The following CDK13 variants were observed in gnomAD, a reference collection of about 807,000 sequenced individuals.
CDK13 encodes the protein cyclin-dependent kinase 13.
A neutral mutation model predicts 137.6 loss-of-function variants in CDK13; 40 were observed. That is an observed-to-expected ratio of 0.29 (90% CI 0.23 to 0.38). The LOEUF is 0.38. Among genes scored for constraint, CDK13 ranks in the 10% least tolerant of loss-of-function variants. CDK13 has a pLI of 1.00. For missense variants in CDK13, 1,704 were observed against 1,951.8 expected, an observed-to-expected ratio of 0.87 and a Z score of 2.39; for synonymous variants, 869 against 760.1, an observed-to-expected ratio of 1.14 and a Z score of -2.36.
rs1446640277 is a variant in CDK13 at position 39,951,810 on chromosome 7, G to A, written c.1169G>A (p.Ser390Asn). The change falls in exon 1 of 14, where the codon AGC becomes AAC. Residue 390 changes from serine to asparagine, a missense_variant. By Grantham distance (46) the Ser-to-Asn change is conservative (BLOSUM62 1). Around this residue, in one of 5 missense-constraint regions of CDK13, gnomAD observed 1,051 missense variants for 931.0 expected, o/e 1.13. Transcript: ENST00000181839. ...GDVSPSPYSS[S>N]SWRRSRSPYS... is the part of the protein sequence containing the mutation. ...GTGTCCCCTAGTCCCTACAGCAGCAGCAGCTGGCGCCGCTCTCGCAGTCCC... is the reference window on the plus strand; with the variant it reads ...GTGTCCCCTAGTCCCTACAGCAGCAACAGCTGGCGCCGCTCTCGCAGTCCC... 2.1e-6 allele frequency: 3 copies of A among 1,453,878 alleles called. No homozygotes were observed. Among genetic ancestry groups the A allele is most frequent in the Non-Finnish European group, 2.7e-6 (3 of 1,112,550 alleles). 90.1% of individuals were successfully genotyped at this position (1,453,878 alleles called of 1,614,324 possible). A position where few individuals can be genotyped will look rare whatever the true frequency, so the allele number is the denominator to read the frequency against.
intron 7 of CDK13, chr7:40,048,563 A>ATG (rs1334852142): frequency 6.6e-6 from 1 of 152,168 alleles, no homozygotes; most frequent in Non-Finnish European, 1.5e-5. Context: ...TTATTTCCAT[A>ATG]TGTGTATATA....
At chr7:40,018,449 C>T (rs1442597793) in intron 5 of CDK13, among the ~76,000 whole-genome samples, 1 of 152,088 alleles carries the variant, frequency 6.6e-6, no homozygotes, top group East Asian at 1.9e-4. Context: ...CAGAAAGACA[C>T]GTGCATGTGT....
intron 1 of CDK13, among the ~76,000 whole-genome samples, chr7:39,979,213 TTTC>T (rs911238919): frequency 1.2e-4 from 15 of 123,948 alleles, no homozygotes; most frequent in African/African-American, 5.9e-4. Context: ...CTTTCTTTTT[TTTC>T]TTTTTTTTTT....
intron 5 of CDK13, among the ~76,000 whole-genome samples, chr7:40,028,632 G>A (rs1311040367): frequency 6.6e-6 from 1 of 152,096 alleles, no homozygotes; most frequent in Non-Finnish European, 1.5e-5. Flanking sequence ...TCCCCTGATG[G>A]TGGTCTCACT....
chr7:39,951,830 A>T lies in CDK13; in HGVS notation c.1189A>T (p.Ser397Cys). Residue 397 changes from serine (S) to cysteine (C), a missense_variant, in exon 1 of 14, where the codon AGT becomes TGT. Ser to Cys is a moderately radical substitution (Grantham distance 112, BLOSUM62 -1). Transcript: ENST00000181839. ...CAGCAGCAGCTGGCGCCGCTCTCGC[A>T]GTCCCTACAGCCCTGTGCTCAGGTG... ...YSSSSWRRSR[S>C]PYSPVLRRSG... is the part of the protein sequence containing the mutation. The T allele has an allele frequency of 1.4e-6, 2 of 1,456,410 alleles. No individual in the cohort carries two copies. The highest frequency in any genetic ancestry group is 1.8e-6 in the Non-Finnish European group (2 of 1,113,996). 90.2% of individuals were successfully genotyped at this position (1,456,410 alleles called of 1,614,324 possible). A position where few individuals can be genotyped will look rare whatever the true frequency, so the allele number is the denominator to read the frequency against.
At position 40,017,658 on chromosome 7, in the gene CDK13, T is replaced by C. The variant is rs555758142; in HGVS notation, c.2353+15627T>C. On this transcript the variant is annotated intron_variant, in intron 5 of 13. Coordinates refer to ENST00000181839, the MANE Select transcript of CDK13 (RefSeq NM_003718.5). The stretch of plus-strand genomic sequence containing the variant: ...ATGTGTTTCATATGTCAGATAATTT[T>C]CCCATTTATATTGCTTGCCCTTTGT... 2.0e-5 allele frequency among the ~76,000 whole-genome samples: 3 copies of C among 152,190 alleles called. No individual in the cohort carries two copies. The South Asian group carries it at 6.2e-4, about 32-fold the overall frequency.
In CDK13 at chr7:40,063,240, A is replaced by G. The variant is rs60440454; in HGVS notation, c.2780+140A>G. On this transcript the variant is annotated intron_variant, in intron 9 of 13. Transcript: ENST00000181839. ...GCTTATGACTGCTAAATGGAGGACA[A>G]ACTGAAATGTAGGCACTTTGATACT... 144 of 651,618 alleles carry G rather than the reference A, an allele frequency of 2.2e-4. 1 individual carries two copies. The African/African-American group carries it at 2.5e-3, about 11-fold the overall frequency. 40.4% of individuals were successfully genotyped at this position (651,618 alleles called of 1,614,324 possible).
chr7:40,069,364 A>C (rs1786360272), intron 9 of CDK13: 1 of 454,606 alleles, frequency 2.2e-6, no homozygotes, highest in African/African-American at 2.0e-5. Context: ...GAGGCAACGG[A>C]GTATACCGAA....
rs1787222531 is a variant in CDK13, at chr7:39,951,729, G to T, written c.1088G>T (p.Ser363Ile). ...RRLPRSPSPYSRRRSPSYSRH... is the reference protein window; with the variant it reads ...RRLPRSPSPYIRRRSPSYSRH... ...CTGCCGCGCTCCCCGAGCCCCTACA[G>T]TCGCCGCCGCTCCCCCAGCTACAGC... Residue 363 changes from serine to isoleucine, a missense_variant, in exon 1 of 14, where the codon AGT becomes ATT. Physicochemically the swap from Ser to Ile is moderately radical, Grantham distance 142 (BLOSUM62 -2). Around this residue, in one of 5 missense-constraint regions of CDK13, gnomAD observed 1,051 missense variants for 931.0 expected, o/e 1.13. Coordinates refer to ENST00000181839, the MANE Select transcript of CDK13 (RefSeq NM_003718.5). 5 of 1,485,260 alleles carry T rather than the reference G, an allele frequency of 3.4e-6. No homozygotes were observed. Among genetic ancestry groups the T allele is most frequent in the Non-Finnish European group, 4.4e-6 (5 of 1,128,772 alleles). The allele number at this position is 1,485,260 out of a possible 1,614,324, so 92.0% of individuals were successfully genotyped here. A position where few individuals can be genotyped will look rare whatever the true frequency, so the allele number is the denominator to read the frequency against.
chr7:40,002,759 T>C (rs1254261723), intron 5 of CDK13, among the ~76,000 whole-genome samples: 1 of 151,976 alleles, frequency 6.6e-6, no homozygotes, highest in East Asian at 1.9e-4. Flanking sequence ...CAGCAAAACT[T>C]TTTCTCAAAC....
chr7:40,082,882 C>T (rs374687477), intron 11 of CDK13, among the ~76,000 whole-genome samples: 10 of 151,152 alleles, frequency 6.6e-5, no homozygotes, highest in African/African-American at 2.4e-4. Context: ...AGGTGGATCC[C>T]TTGAGCCCAT....
chr7:40,028,519 G>C (rs1352320016), intron 5 of CDK13, among the ~76,000 whole-genome samples: 1 of 151,914 alleles, frequency 6.6e-6, no homozygotes, highest in Non-Finnish European at 1.5e-5. Flanking sequence ...CGCCCAGCCT[G>C]AGTTGACTTT....
chr7:40,093,236 G>A lies in CDK13; in HGVS notation c.3687G>A (p.Ser1229=), dbSNP rs764932758. The change falls in exon 13 of 14, where the codon TCG becomes TCA. Residue 1229 remains serine, a splice_region_variant and synonymous_variant. Transcript: ENST00000181839. The stretch of plus-strand genomic sequence containing the variant: ...CTCCAGAACCTAGCACTCCGGTGTC[G>A]GGTAAGTGTGCAGATACCAGACCAC... The part of the protein sequence containing the change: ...RPPPEPSTPV[S]GQDDLIQHQD... 10 of 1,607,036 alleles carry A rather than the reference G, an allele frequency of 6.2e-6. No individual in the cohort carries two copies. The highest frequency in any genetic ancestry group is 2.2e-5 in the East Asian group (1 of 44,846).
chr7:40,067,114 A>G (rs1279026715), intron 9 of CDK13: 2 of 152,178 alleles, frequency 1.3e-5, no homozygotes, highest in African/African-American at 4.8e-5. Flanking sequence ...TAACAACCCT[A>G]TGTCTTCTCT....
intron 1 of CDK13, among the ~76,000 whole-genome samples, chr7:39,976,478 C>G (rs1419398857): frequency 1.3e-5 from 2 of 151,982 alleles, no homozygotes; most frequent in African/African-American, 2.4e-5. Context: ...TCTGCTTTCT[C>G]TATACCTTGG....
chr7:40,088,245 G>T lies in CDK13; in HGVS notation c.3149G>T (p.Gly1050Val), dbSNP rs1204806739. Residue 1050 changes from glycine to valine, a missense_variant, in exon 12 of 14, where the codon GGC becomes GTC. Transcript: ENST00000181839. ...GCCCCCAGGAAGGACTTGTCTCTGG[G>T]CTTGGATGACAGCAGAACCAACACA... ...IKAPRKDLSL[G>V]LDDSRTNTPQ... 6.2e-7 allele frequency: 1 copy of T among 1,613,872 alleles called. No individual in the cohort carries two copies. The highest frequency in any genetic ancestry group is 8.5e-7 in the Non-Finnish European group (1 of 1,179,912).
intron 5 of CDK13, among the ~76,000 whole-genome samples, chr7:40,039,478 C>T (rs1410417116): frequency 7.6e-6 from 1 of 131,588 alleles, no homozygotes; most frequent in Admixed American, 8.5e-5. Flanking sequence ...GTCGCCCAGG[C>T]GGGAATGCAG....
At chr7:40,081,120 C>G (rs1417865955) in intron 11 of CDK13, among the ~76,000 whole-genome samples, 1 of 152,014 alleles carries the variant, frequency 6.6e-6, no homozygotes, top group Admixed American at 6.6e-5. Context: ...TTTTAAGATT[C>G]CAAGCTAGCT....
chr7:39,998,276 C>A, intron 3 of CDK13: 1 of 146,682 alleles, frequency 6.8e-6, no homozygotes, highest in Non-Finnish European at 1.5e-5. Context: ...TTTAGAATTG[C>A]AGTTGAGGTA....
Sources: allele counts gnomAD v4.1 joint callset (sites outside exome capture counted in the v4.1 genomes callset), GRCh38; gene constraint gnomAD v4.1.1; regional missense constraint gnomAD v4.1.1; transcripts MANE v1.5; gene names NCBI Gene and HGNC (gene_info 2026-07-23, HGNC 2026-07-21).